The following PPP1R12A variants were observed in gnomAD, a reference collection of about 807,000 sequenced individuals.
PPP1R12A encodes protein phosphatase 1 regulatory subunit 12A, also known as myosin binding subunit.
A neutral mutation model predicts 139.6 loss-of-function variants in PPP1R12A; 19 were observed. That is an observed-to-expected ratio of 0.14 (90% CI 0.09 to 0.20). The LOEUF (loss-of-function observed/expected upper bound fraction) is 0.20, where lower values mean the gene tolerates loss of function less well. Among genes scored for constraint, PPP1R12A ranks in the 10% least tolerant of loss-of-function variants. The pLI is 1.00. For missense variants in PPP1R12A, 925 were observed against 1,211.5 expected (o/e 0.76, Z 3.51); for synonymous variants, 427 against 420.6 (o/e 1.02, Z -0.19).
intron 22 of PPP1R12A, among the ~76,000 whole-genome samples, chr12:79,784,451 C>G (rs916898210): frequency 6.6e-6 from 1 of 152,142 alleles, no homozygotes; most frequent in Admixed American, 6.5e-5. Flanking sequence ...CTGCTCCATA[C>G]TGGGTAGTAA....
At chr12:79,898,444 G>A (rs1013776180) in intron 1 of PPP1R12A, among the ~76,000 whole-genome samples, 2 of 152,092 alleles carry the variant, frequency 1.3e-5, no homozygotes, top group African/African-American at 4.8e-5. Flanking sequence ...GACAGAGTGA[G>A]ACTCTGTCTC....
chr12:79,840,894 C>T (rs1425150376), intron 3 of PPP1R12A, among the ~76,000 whole-genome samples: 1 of 152,072 alleles, frequency 6.6e-6, no homozygotes, highest in Admixed American at 6.6e-5. Context: ...CCAATGTCTA[C>T]AAAAATAGAT....
intron 2 of PPP1R12A, among the ~76,000 whole-genome samples, chr12:79,867,317 G>C (rs940744643): frequency 2.0e-5 from 3 of 152,078 alleles, no homozygotes; most frequent in Non-Finnish European, 2.9e-5. Context: ...CAGGGTCTGT[G>C]GGGGGTGGGG....
intron 1 of PPP1R12A, among the ~76,000 whole-genome samples, chr12:79,884,188 AT>A (rs537622613): frequency 1.8e-4 from 28 of 152,148 alleles, no homozygotes; most frequent in Non-Finnish European, 4.0e-4. Context: ...CAAATTGGTA[AT>A]TTTTAAAGTT....
chr12:79,814,680 G>A (rs1269770485), intron 9 of PPP1R12A, among the ~76,000 whole-genome samples: 2 of 149,608 alleles, frequency 1.3e-5, no homozygotes, highest in African/African-American at 2.5e-5. Flanking sequence ...GCTGGGTGTG[G>A]TGGCAGGTGT....
chr12:79,807,493 AT>A (rs1873975300), intron 11 of PPP1R12A, among the ~76,000 whole-genome samples, 163 bp from the exon 12 acceptor site: 1 of 9,940 alleles, frequency 1.0e-4, no homozygotes, highest in African/African-American at 1.2e-4. Context: ...TACTAAGATT[AT>A]ATACCCTAAG....
At chr12:79,848,000 G>GA (rs1356487736) in intron 2 of PPP1R12A, among the ~76,000 whole-genome samples, 1 of 152,204 alleles carries the variant, frequency 6.6e-6, no homozygotes, top group Non-Finnish European at 1.5e-5. Flanking sequence ...TAGAGGAAGA[G>GA]AGATTTGTAT....
At position 79,883,131 on chromosome 12, in the gene PPP1R12A, C is replaced by T. The variant is rs143120960; in HGVS notation, c.238-10193G>A. Among the ~76,000 whole-genome samples, 769 of 151,992 alleles carry T rather than the reference C, an allele frequency of 5.1e-3. 4 individuals carry two copies. Among genetic ancestry groups the T allele is most frequent in the African/African-American group, 0.018 (726 of 41,428 alleles). ...CAGCCTCGGCGACAGAGCAAGACTC[C>T]GTCAAAACAAAAACAAACAAAACAA... On this transcript the variant is annotated intron_variant, in intron 1 of 24. Coordinates refer to ENST00000450142, the MANE Select transcript of PPP1R12A (RefSeq NM_002480.3).
chr12:79,788,737 G>C lies in PPP1R12A; in HGVS notation c.2713C>G (p.Leu905Val), dbSNP rs571230915. The part of the protein sequence containing the change: ...TSAGDRYDSL[L>V]GRSGSYSYLE... Reference sequence around the variant, plus strand: ...TAACTGTATGATCCAGAGCGACCCAGCAAGGAATCATATCGATCACCAGCT... The same window carrying C: ...TAACTGTATGATCCAGAGCGACCCACCAAGGAATCATATCGATCACCAGCT... The change falls in exon 21 of 25, where the codon CTG becomes GTG. Residue 905 changes from leucine (L) to valine (V), a missense_variant. Leu to Val is a conservative substitution (Grantham distance 32). This residue lies in a region of PPP1R12A where 315 missense variants were observed against 363.4 expected (regional missense o/e 0.87). Transcript: ENST00000450142. 6.2e-7 allele frequency: 1 copy of C among 1,612,730 alleles called. No homozygotes were observed. The highest frequency in any genetic ancestry group is 1.1e-5 in the South Asian group (1 of 90,964).
chr12:79,929,100 C>T (rs1386952699), intron 1 of PPP1R12A, among the ~76,000 whole-genome samples: 2 of 152,148 alleles, frequency 1.3e-5, no homozygotes, highest in Non-Finnish European at 2.9e-5. Flanking sequence ...AACTGTTCTA[C>T]CTCACATCAT....
At chr12:79,820,305 T>A (rs1321317173) in intron 8 of PPP1R12A, among the ~76,000 whole-genome samples, 1 of 152,222 alleles carries the variant, frequency 6.6e-6, no homozygotes, top group African/African-American at 2.4e-5. Context: ...TTGTTTATTA[T>A]ACTTTTCTGT....
At chr12:79,871,375 G>T (rs867081851) in intron 2 of PPP1R12A, among the ~76,000 whole-genome samples, 2 of 152,180 alleles carry the variant, frequency 1.3e-5, no homozygotes, top group East Asian at 3.9e-4. Context: ...AATACAAAAA[G>T]GAAACATAAG....
At chr12:79,787,179 A>T (rs948410893) in intron 21 of PPP1R12A, 1 of 152,180 alleles carries the variant, frequency 6.6e-6, no homozygotes, top group Non-Finnish European at 1.5e-5. Flanking sequence ...CATAATTTTC[A>T]TAGGCCAACC....
At chr12:79,815,269 G>A (rs188791862) in intron 9 of PPP1R12A, among the ~76,000 whole-genome samples, 1 of 152,298 alleles carries the variant, frequency 6.6e-6, no homozygotes, top group Admixed American at 6.5e-5. Context: ...GCTGGGTGCA[G>A]TGGCTCACGC....
At chr12:79,884,333 CCAA>C (rs1883912002) in intron 1 of PPP1R12A, among the ~76,000 whole-genome samples, 1 of 152,082 alleles carries the variant, frequency 6.6e-6, no homozygotes, top group African/African-American at 2.4e-5. Flanking sequence ...ATAAGAAACA[CCAA>C]CAAAATACCA....
At chr12:79,893,245 A>G (rs1884830800) in intron 1 of PPP1R12A, among the ~76,000 whole-genome samples, 1 of 152,136 alleles carries the variant, frequency 6.6e-6, no homozygotes, top group African/African-American at 2.4e-5. Flanking sequence ...TTACACCTTA[A>G]GCCTTTATTT....
intron 2 of PPP1R12A, among the ~76,000 whole-genome samples, chr12:79,859,681 A>G (rs4842321): frequency 0.92 from 139,233 of 152,152 alleles, 63,999 homozygotes; most frequent in Middle Eastern, 0.95. Flanking sequence ...GAAGCAGAAG[A>G]ATCACTTGAG....
intron 1 of PPP1R12A, among the ~76,000 whole-genome samples, chr12:79,925,517 C>A (rs1412073867): frequency 6.6e-6 from 1 of 152,128 alleles, no homozygotes; most frequent in East Asian, 1.9e-4. Context: ...TTAAGTGAAG[C>A]TCTCTCTGCA....
At chr12:79,865,211 C>T (rs1228619034) in intron 2 of PPP1R12A, among the ~76,000 whole-genome samples, 1 of 152,144 alleles carries the variant, frequency 6.6e-6, no homozygotes, top group Non-Finnish European at 1.5e-5. Flanking sequence ...GAACCAACAA[C>T]AAAAACCACA....
Sources: gnomAD v4.1 joint callset for allele counts (sites outside exome capture counted in the v4.1 genomes callset) on GRCh38, gnomAD v4.1.1 for gene constraint, gnomAD v4.1.1 regional missense constraint, MANE v1.5 for transcripts, NCBI Gene and HGNC (gene_info 2026-07-23, HGNC 2026-07-21) for gene names.